The following ANKS4B variants were observed in gnomAD, a reference collection of about 807,000 sequenced individuals.
ANKS4B encodes ankyrin repeat and SAM domain-containing protein 4B.
In ANKS4B, 21 loss-of-function variants were observed where a neutral mutation model predicts 20.2. That is an observed-to-expected ratio of 1.04 (90% CI 0.74 to 1.50). ANKS4B has a LOEUF of 1.50. Ranked by LOEUF, ANKS4B falls within the 40% of genes most tolerant of loss-of-function variation. The pLI, the probability that ANKS4B is intolerant of heterozygous loss-of-function variation, is 0.00. For missense variants in ANKS4B, 473 were observed against 494.6 expected (o/e 0.96, Z 0.41); for synonymous variants, 179 against 194.5 (o/e 0.92, Z 0.66).
At position 21,253,446 on chromosome 16, in the gene ANKS4B, G is replaced by A. The variant is rs569927860; in HGVS notation, c.*2626G>A. 4 of 152,254 alleles carry A rather than the reference G, an allele frequency of 2.6e-5. No individual in the cohort carries two copies. Among genetic ancestry groups the A allele is most frequent in the African/African-American group, 7.2e-5 (3 of 41,546 alleles). The allele number at this position is 152,254 out of a possible 1,614,324, so 9.4% of individuals were successfully genotyped here. On this transcript the variant is annotated 3_prime_UTR_variant, in exon 2 of 2. Coordinates refer to ENST00000311620, the MANE Select transcript of ANKS4B (RefSeq NM_145865.3). ...TGAAGTTGTGCTTTCCTTCATTAAC[G>A]TGCACAGAAGCAGTTGGCAAATAGA...
In ANKS4B at chr16:21,249,775, A is replaced by C; in HGVS notation, c.209A>C (p.His70Pro). The C allele has an allele frequency of 6.2e-7, 1 of 1,613,978 alleles. No individual in the cohort carries two copies. Among genetic ancestry groups the C allele is most frequent in the South Asian group, 1.1e-5 (1 of 91,066 alleles). ...RCDIWGNTPL[H>P]FAASNGHAHC... ...GACATCTGGGGAAACACTCCTCTAC[A>C]TTTTGCAGCCTCCAATGGCCATGCC... The change falls in exon 2 of 2, where the codon CAT becomes CCT. Residue 70 changes from histidine to proline, a missense_variant. His to Pro is a moderately conservative substitution (Grantham distance 77, BLOSUM62 -2). Coordinates refer to ENST00000311620, the MANE Select transcript of ANKS4B (RefSeq NM_145865.3).
In ANKS4B at chr16:21,250,109, C is replaced by T; in HGVS notation, c.543C>T (p.Ser181=). Residue 181 remains serine, a synonymous_variant, in exon 2 of 2, where the codon TCC becomes TCT. Coordinates refer to ENST00000311620, the MANE Select transcript of ANKS4B (RefSeq NM_145865.3). ...TCTCTTCTTCCAAGGGTACCTTCTC[C>T]AGATCATCCCCTTCAAATGCTTCTG... ...GTLSSSKGTF[S]RSSPSNASAP... is the part of the protein sequence containing the mutation. The T allele has an allele frequency of 6.2e-7, 1 of 1,614,224 alleles. No individual in the cohort carries two copies. Among genetic ancestry groups the T allele is most frequent in the Non-Finnish European group, 8.5e-7 (1 of 1,180,036 alleles).
intron 1 of ANKS4B, among the ~76,000 whole-genome samples, chr16:21,248,303 A>T (rs972385833): frequency 2.0e-5 from 3 of 147,346 alleles, no homozygotes; most frequent in African/African-American, 7.5e-5. Context: ...GATTACAGGC[A>T]CGAGCCACTG....
chr16:21,233,792 G>A lies in ANKS4B; in HGVS notation c.55G>A (p.Glu19Lys). ...TGATAGTTACCTGGAACTTCTAAAAGAGGCTACCAAGCGAGATCTAAATCT... is the reference window on the plus strand; with the variant it reads ...TGATAGTTACCTGGAACTTCTAAAAAAGGCTACCAAGCGAGATCTAAATCT... Reference protein sequence around the residue: ...ASDSYLELLKEATKRDLNLSD... With the variant: ...ASDSYLELLKKATKRDLNLSD... The change falls in exon 1 of 2, where the codon GAG becomes AAG. Residue 19 changes from glutamate to lysine, a missense_variant. Transcript: ENST00000311620. 6.2e-7 allele frequency: 1 copy of A among 1,614,066 alleles called. No homozygotes were observed. Among genetic ancestry groups the A allele is most frequent in the Non-Finnish European group, 8.5e-7 (1 of 1,179,978 alleles).
chr16:21,253,393 T>TCC lies in ANKS4B; in HGVS notation c.*2573_*2574insCC. On this transcript the variant is annotated 3_prime_UTR_variant, in exon 2 of 2. Transcript: ENST00000311620. ...CACGTTGCATTAGGGGATGATTGTT[T>TCC]ACAAATACCTTATCTTGTGGAATAA... 1 of 152,350 alleles carries TCC rather than the reference T, an allele frequency of 6.6e-6. No individual in the cohort carries two copies. Among genetic ancestry groups the TCC allele is most frequent in the South Asian group, 2.1e-4 (1 of 4,826 alleles). The allele number at this position is 152,350 out of a possible 1,614,324, so 9.4% of individuals were successfully genotyped here.
rs2093337049 is a variant in ANKS4B at position 21,250,092 on chromosome 16, T to A, written c.526T>A (p.Ser176Thr). ...GGAGGAATCCGGGACTCTCTCTTCT[T>A]CCAAGGGTACCTTCTCCAGATCATC... ...SKEESGTLSS[S>T]KGTFSRSSPS... The change falls in exon 2 of 2, where the codon TCC becomes ACC. Residue 176 changes from serine (S) to threonine (T), a missense_variant. Transcript: ENST00000311620. 1.2e-6 allele frequency: 2 copies of A among 1,614,078 alleles called. No homozygotes were observed. Among genetic ancestry groups the A allele is most frequent in the African/African-American group, 2.7e-5 (2 of 74,912 alleles).
intron 1 of ANKS4B, among the ~76,000 whole-genome samples, chr16:21,245,967 ACT>A (rs1484641454): frequency 1.3e-5 from 2 of 152,184 alleles, no homozygotes; most frequent in Admixed American, 6.5e-5. Context: ...AATTCACATA[ACT>A]CTATGAATAG....
chr16:21,250,099 G>A lies in ANKS4B; in HGVS notation c.533G>A (p.Gly178Asp), dbSNP rs780240428. The change falls in exon 2 of 2, where the codon GGT (glycine) becomes GAT (aspartate). Residue 178 changes from glycine (G) to aspartate (D), a missense_variant. Gly to Asp is a moderately conservative substitution (Grantham distance 94, BLOSUM62 -1). Coordinates refer to ENST00000311620, the MANE Select transcript of ANKS4B (RefSeq NM_145865.3). ...TCCGGGACTCTCTCTTCTTCCAAGG[G>A]TACCTTCTCCAGATCATCCCCTTCA... Reference protein sequence around the residue: ...EESGTLSSSKGTFSRSSPSNA... With the variant: ...EESGTLSSSKDTFSRSSPSNA... 1 of 1,614,194 alleles carries A rather than the reference G, an allele frequency of 6.2e-7. No individual in the cohort carries two copies. The highest frequency in any genetic ancestry group is 8.5e-7 in the Non-Finnish European group (1 of 1,180,044).
At chr16:21,245,850 T>C (rs535565905) in intron 1 of ANKS4B, among the ~76,000 whole-genome samples, 5 of 152,266 alleles carry the variant, frequency 3.3e-5, no homozygotes, top group African/African-American at 1.2e-4. Flanking sequence ...TACATGAAAT[T>C]AAGGATTATG....
intron 1 of ANKS4B, among the ~76,000 whole-genome samples, chr16:21,241,008 G>A (rs1275187032): frequency 1.3e-5 from 2 of 152,082 alleles, no homozygotes; most frequent in East Asian, 1.9e-4. Flanking sequence ...TGGCCAGGCC[G>A]GTCTCGAACT....
intron 1 of ANKS4B, among the ~76,000 whole-genome samples, chr16:21,248,455 C>T (rs532973444): frequency 6.6e-6 from 1 of 151,060 alleles, no homozygotes; most frequent in Non-Finnish European, 1.5e-5. Flanking sequence ...ACAGGCTGGG[C>T]GTGGTGGCTC....
chr16:21,239,303 C>A (rs1476501909), intron 1 of ANKS4B, among the ~76,000 whole-genome samples: 1 of 152,026 alleles, frequency 6.6e-6, no homozygotes, highest in Admixed American at 6.6e-5. Context: ...AAGATACATG[C>A]CTGGATCATG....
At chr16:21,245,170 G>A (rs926588605) in intron 1 of ANKS4B, among the ~76,000 whole-genome samples, 3 of 152,136 alleles carry the variant, frequency 2.0e-5, no homozygotes, top group South Asian at 2.1e-4. Flanking sequence ...TTGTGGCTTC[G>A]TTTGAAAAAT....
In ANKS4B at chr16:21,252,969, A is replaced by G. The variant is rs1006016863; in HGVS notation, c.*2149A>G. On this transcript the variant is annotated 3_prime_UTR_variant, in exon 2 of 2. Transcript: ENST00000311620. ...AACCCAAAAGGTGGAGGTTGCAGTG[A>G]GTTGAGATTGCACCACTGCACTCTA... The G allele has an allele frequency of 1.4e-5, 2 of 142,446 alleles. No individual in the cohort carries two copies. The allele number at this position is 142,446 out of a possible 1,614,324, so 8.8% of individuals were successfully genotyped here.
intron 1 of ANKS4B, among the ~76,000 whole-genome samples, chr16:21,240,701 CCTT>C (rs990863180): frequency 2.0e-5 from 3 of 151,952 alleles, no homozygotes; most frequent in Non-Finnish European, 4.4e-5. Context: ...TATACTGAAA[CCTT>C]CTAATTATTT....
At chr16:21,237,887 C>T (rs1405225313) in intron 1 of ANKS4B, among the ~76,000 whole-genome samples, 4 of 152,096 alleles carry the variant, frequency 2.6e-5, no homozygotes, top group African/African-American at 7.2e-5. Flanking sequence ...TTAGGCTGGG[C>T]GTGGTGGCTC....
intron 1 of ANKS4B, among the ~76,000 whole-genome samples, chr16:21,234,183 A>G (rs918499914): frequency 6.6e-6 from 1 of 152,160 alleles, no homozygotes; most frequent in Non-Finnish European, 1.5e-5. Context: ...TTTTAATTCT[A>G]TGCCTTTAAA....
At chr16:21,248,784 G>T (rs973862762) in intron 1 of ANKS4B, among the ~76,000 whole-genome samples, 2 of 151,986 alleles carry the variant, frequency 1.3e-5, no homozygotes, top group African/African-American at 4.8e-5. Context: ...AAGATAACAC[G>T]AAAGTCTCAC....
intron 1 of ANKS4B, among the ~76,000 whole-genome samples, chr16:21,246,989 G>A (rs980878247): frequency 5.3e-5 from 8 of 152,006 alleles, no homozygotes; most frequent in Non-Finnish European, 1.0e-4. Flanking sequence ...GTGAGCCTAC[G>A]AATCACCTGC....
Sources: gnomAD v4.1 joint callset for allele counts (sites outside exome capture counted in the v4.1 genomes callset) on GRCh38, gnomAD v4.1.1 for gene constraint, MANE v1.5 for transcripts, NCBI Gene and HGNC (gene_info 2026-07-23, HGNC 2026-07-21) for gene names.